RPH3A: variants seen among roughly 807,000 people sequenced by gnomAD.
RPH3A encodes rabphilin 3A, also known as rabphilin-3A.
RPH3A carries 48 observed loss-of-function variants against 102.2 expected under a neutral mutation model. That is an observed-to-expected ratio of 0.47 (90% CI 0.37 to 0.60). RPH3A has a LOEUF of 0.60. Among genes scored for constraint, RPH3A ranks in the 20% least tolerant of loss-of-function variants. The pLI is 0.00. For synonymous variants in RPH3A, 310 were observed against 324.3 expected (o/e 0.96, Z 0.47); for missense variants, 781 against 910.1 (o/e 0.86, Z 1.83).
At chr12:112,655,387 A>C (rs2040003840) in intron 1 of RPH3A, among the ~76,000 whole-genome samples, 1 of 152,184 alleles carries the variant, frequency 6.6e-6, no homozygotes. Flanking sequence ...CAGTGCTAGC[A>C]GTAAACTCAA....
intron 5 of RPH3A, among the ~76,000 whole-genome samples, chr12:112,852,411 A>G (rs557686777): frequency 6.6e-6 from 1 of 152,298 alleles, no homozygotes; most frequent in South Asian, 2.1e-4. Context: ...TCTTTATCCC[A>G]TTATGTAGAA....
chr12:112,784,812 CAG>C (rs1485505147), intron 1 of RPH3A, among the ~76,000 whole-genome samples: 1 of 152,188 alleles, frequency 6.6e-6, no homozygotes, highest in Non-Finnish European at 1.5e-5. Context: ...AGGCTAGAAA[CAG>C]ATTCAGATTC....
At chr12:112,630,223 G>A (rs1158226224) in intron 1 of RPH3A, among the ~76,000 whole-genome samples, 1 of 152,000 alleles carries the variant, frequency 6.6e-6, no homozygotes, top group African/African-American at 2.4e-5. Context: ...GCCTCAGTAT[G>A]TATTAGGTAG....
At chr12:112,717,600 A>T (rs183444604) in intron 1 of RPH3A, among the ~76,000 whole-genome samples, 3 of 152,092 alleles carry the variant, frequency 2.0e-5, no homozygotes, top group Admixed American at 2.0e-4. Context: ...GATCAGTAGT[A>T]TTCCATTGTG....
intron 1 of RPH3A, among the ~76,000 whole-genome samples, chr12:112,676,380 A>G (rs964585900): frequency 5.3e-5 from 8 of 152,218 alleles, no homozygotes; most frequent in Admixed American, 2.0e-4. Context: ...ACTTGGGTGC[A>G]AGGGCTCTTG....
intron 10 of RPH3A, among the ~76,000 whole-genome samples, chr12:112,871,035 C>T (rs769366680): frequency 1.8e-4 from 27 of 152,196 alleles, no homozygotes; most frequent in African/African-American, 5.8e-4. Context: ...CTCAGAGAGG[C>T]GATGCTACTT....
At chr12:112,595,792 A>AT (rs548143401) in intron 1 of RPH3A, among the ~76,000 whole-genome samples, 13 of 152,182 alleles carry the variant, frequency 8.5e-5, no homozygotes, top group Non-Finnish European at 1.8e-4. Flanking sequence ...ATCCAAGCCA[A>AT]TTTTGGGTAG....
At chr12:112,792,863 G>A (rs951896902) in intron 2 of RPH3A, among the ~76,000 whole-genome samples, 1 of 152,216 alleles carries the variant, frequency 6.6e-6, no homozygotes, top group African/African-American at 2.4e-5. Context: ...GCCACACTAT[G>A]CCTGGGATGA....
At position 112,740,261 on chromosome 12, in the gene RPH3A, T is replaced by G. The variant is rs146624647; in HGVS notation, c.-139-51882T>G. ...AACCCTTGGCTCAGTTTCTGGCATATAATAAAAAGTTTTCCCAGCTTGGAG... is the reference window on the plus strand; with the variant it reads ...AACCCTTGGCTCAGTTTCTGGCATAGAATAAAAAGTTTTCCCAGCTTGGAG... On this transcript the variant is annotated intron_variant, in intron 1 of 21. Coordinates refer to the RPH3A transcript ENST00000543106. Among the ~76,000 whole-genome samples, 425 of 152,290 alleles carry G rather than the reference T, an allele frequency of 2.8e-3. 1 individual carries two copies. Among genetic ancestry groups the G allele is most frequent in the African/African-American group, 9.3e-3 (387 of 41,570 alleles).
intron 2 of RPH3A, among the ~76,000 whole-genome samples, chr12:112,801,115 G>A (rs1423628955): frequency 6.6e-6 from 1 of 152,142 alleles, no homozygotes; most frequent in African/African-American, 2.4e-5. Context: ...CTTTCTCCAG[G>A]GGCTGCGGGA....
chr12:112,663,716 T>C (rs2040065992), intron 1 of RPH3A, among the ~76,000 whole-genome samples: 1 of 152,146 alleles, frequency 6.6e-6, no homozygotes, highest in African/African-American at 2.4e-5. Context: ...GTTTCTGTCA[T>C]TCAAAATCAG....
intron 1 of RPH3A, among the ~76,000 whole-genome samples, chr12:112,725,338 C>T (rs1376310458): frequency 3.3e-5 from 5 of 150,324 alleles, no homozygotes; most frequent in Admixed American, 2.7e-4. Flanking sequence ...CCCACGACCT[C>T]ATTGTACCAC....
intron 1 of RPH3A, among the ~76,000 whole-genome samples, chr12:112,680,432 T>C (rs2040218454): frequency 6.6e-6 from 1 of 152,306 alleles, no homozygotes. Flanking sequence ...CTTAGCATGT[T>C]CCAACCACCC....
intron 4 of RPH3A, among the ~76,000 whole-genome samples, chr12:112,837,278 C>T (rs1450110314): frequency 6.6e-6 from 1 of 152,184 alleles, no homozygotes; most frequent in East Asian, 1.9e-4. Flanking sequence ...CTGCCCCTCC[C>T]TCCTCACTGG....
intron 21 of RPH3A, among the ~76,000 whole-genome samples, chr12:112,896,371 T>C (rs2043179328): frequency 6.6e-6 from 1 of 152,174 alleles, no homozygotes; most frequent in Non-Finnish European, 1.5e-5. Flanking sequence ...GAGATAAGTT[T>C]CAGTGAGTAG....
At chr12:112,812,009 C>T (rs2041585084) in intron 2 of RPH3A, among the ~76,000 whole-genome samples, 1 of 151,682 alleles carries the variant, frequency 6.6e-6, no homozygotes, top group Non-Finnish European at 1.5e-5. Flanking sequence ...CTGGTAGAAC[C>T]CACCAAGTCC....
intron 4 of RPH3A, among the ~76,000 whole-genome samples, chr12:112,840,582 G>A (rs1029977016): frequency 3.3e-5 from 5 of 152,070 alleles, no homozygotes; most frequent in African/African-American, 1.2e-4. Context: ...CTCACCAAGT[G>A]GATCTTGGGC....
At chr12:112,779,205 A>G (rs1190435507) in intron 1 of RPH3A, among the ~76,000 whole-genome samples, 1 of 152,176 alleles carries the variant, frequency 6.6e-6, no homozygotes, top group East Asian at 1.9e-4. Flanking sequence ...AGTGAAGGGG[A>G]GAGGGAAAGA....
At chr12:112,783,911 T>A (rs1201649820) in intron 1 of RPH3A, among the ~76,000 whole-genome samples, 1 of 152,176 alleles carries the variant, frequency 6.6e-6, no homozygotes, top group Non-Finnish European at 1.5e-5. Context: ...CAGTTATATG[T>A]CCACAGCAGA....
Sources: allele counts gnomAD v4.1 joint callset (sites outside exome capture counted in the v4.1 genomes callset), GRCh38; gene constraint gnomAD v4.1.1; transcripts MANE v1.5; gene names NCBI Gene and HGNC (gene_info 2026-07-23, HGNC 2026-07-21).